Variants in ATRX observed in about 807,000 individuals in gnomAD.
ATRX encodes the protein chromatin remodeler ATRX.
Under a neutral mutation model 172.6 loss-of-function variants are expected in ATRX, and 12 were observed. That is an observed-to-expected ratio of 0.07 (90% confidence interval 0.04 to 0.11). ATRX has a LOEUF of 0.11. Among genes scored for constraint, ATRX ranks in the 10% least tolerant of loss-of-function variants. The probability of loss-of-function intolerance (pLI) is 1.00; values close to 1 mark genes in which losing one functional copy is unlikely to be tolerated. For missense variants in ATRX, 1,368 were observed against 1,767.4 expected, an observed-to-expected ratio of 0.77 and a Z score of 4.05; for synonymous variants, 674 against 594.7, an observed-to-expected ratio of 1.13 and a Z score of -1.94.
chrX:77,522,828 A>C (rs2063275307), intron 31 of ATRX, among the ~76,000 whole-genome samples: 1 of 112,018 alleles, frequency 8.9e-6, no homozygotes, highest in African/African-American at 3.2e-5. Flanking sequence ...AATGTCTAAT[A>C]ATGAAATATT....
chrX:77,612,899 A>G (rs782629172), intron 22 of ATRX, among the ~76,000 whole-genome samples: 1 of 111,999 alleles, frequency 8.9e-6, no homozygotes, highest in Non-Finnish European at 1.9e-5. Context: ...TTCAAGCTTC[A>G]TCTATGTGGT....
intron 12 of ATRX, among the ~76,000 whole-genome samples, chrX:77,658,912 A>G (rs2069702935): frequency 8.9e-6 from 1 of 112,332 alleles, no homozygotes; most frequent in Non-Finnish European, 1.9e-5. Context: ...GAATTGTTTC[A>G]AAATAATTTT....
At chrX:77,652,390 A>G in intron 14 of ATRX, 37 bp from the exon 15 acceptor site, 2 of 1,172,976 alleles carry the variant, frequency 1.7e-6, no homozygotes, top group South Asian at 1.8e-5. Context: ...AACAGTACAA[A>G]GTCATTTAAT....
chrX:77,631,155 C>T (rs5912660), intron 19 of ATRX, among the ~76,000 whole-genome samples: 3,760 of 103,871 alleles, frequency 0.036, 115 homozygotes, highest in African/African-American at 0.1. Flanking sequence ...GGTAGAGGAC[C>T]TCACCTTAAA....
At chrX:77,518,531 C>T (rs2063126266) in intron 34 of ATRX, among the ~76,000 whole-genome samples, 1 of 111,838 alleles carries the variant, frequency 8.9e-6, no homozygotes, top group African/African-American at 3.2e-5. Flanking sequence ...AAAAGATCTT[C>T]CATGTTCATG....
intron 22 of ATRX, among the ~76,000 whole-genome samples, chrX:77,601,699 C>T (rs2066682986): frequency 9.0e-6 from 1 of 111,463 alleles, no homozygotes; most frequent in Non-Finnish European, 1.9e-5. Context: ...TAAGCAATAA[C>T]ATATTTTCCT....
Position 77,684,269 on chromosome X carries a change from C to G in ATRX, c.987G>C (p.Lys329Asn), listed in dbSNP as rs2148633084. ...KTSSNCNGEE[K>N]KLDDSCSGSV... The stretch of plus-strand genomic sequence containing the variant: ...AGCCAGAACAGGAATCATCTAATTT[C>G]TTTTCTTCTCCATTACAATTTGAAC... The change falls in exon 9 of 35, where the codon AAG becomes AAC. Residue 329 changes from lysine to asparagine, a missense_variant. Lys to Asn is a moderately conservative substitution (Grantham distance 94, BLOSUM62 0). This residue lies in a region of ATRX where 843 missense variants were observed against 643.1 expected (regional missense o/e 1.31). Transcript: ENST00000373344. 8.3e-7 allele frequency: 1 copy of G among 1,209,184 alleles called. No homozygotes were observed. Among genetic ancestry groups the G allele is most frequent in the Non-Finnish European group, 1.1e-6 (1 of 893,268 alleles).
At position 77,739,727 on chromosome X, in the gene ATRX, A is replaced by G. The variant is rs782489896; in HGVS notation, c.21-22484T>C. ...AAATAAGCCCACAGACACCTATGAC[A>G]GTTTACGTGAGGTTATTTTTACTAA... On this transcript the variant is annotated intron_variant, in intron 1 of 34. Coordinates refer to ENST00000373344, the MANE Select transcript of ATRX (RefSeq NM_000489.6). Among the ~76,000 whole-genome samples, 62 of 110,370 alleles carry G rather than the reference A, an allele frequency of 5.6e-4. 1 individual carries two copies. The highest frequency in any genetic ancestry group is 1.3e-4 in the Non-Finnish European group (7 of 52,962).
rs1269461104 is a variant in ATRX, at chrX:77,681,713, G to C, written c.3543C>G (p.Val1181=). ...RTSSKKKAVI[V]KEKKRNSLRT... ...TTAGGGAGTTTCTCTTTTTCTCCTT[G>C]ACAATGACTGCCTTCTTTTTAGATG... The change falls in exon 9 of 35, where the codon GTC becomes GTG. Residue 1181 remains valine, a synonymous_variant. Transcript: ENST00000373344. 1 of 1,204,833 alleles carries C rather than the reference G, an allele frequency of 8.3e-7. No homozygotes were observed. Among genetic ancestry groups the C allele is most frequent in the African/African-American group, 1.8e-5 (1 of 56,668 alleles).
chrX:77,665,489 T>A (rs1273038975), intron 10 of ATRX, among the ~76,000 whole-genome samples: 8 of 111,679 alleles, frequency 7.2e-5, no homozygotes, highest in Non-Finnish European at 1.5e-4. Context: ...GTGCAGTTGC[T>A]TCACTCACAA....
Position 77,683,716 on chromosome X carries a change from C to G in ATRX, c.1540G>C (p.Asp514His), listed in dbSNP as rs2148620212. The G allele has an allele frequency of 8.3e-7, 1 of 1,211,356 alleles. No homozygotes were observed. The highest frequency in any genetic ancestry group is 2.3e-4 in the Middle Eastern group (1 of 4,356). Residue 514 changes from aspartate to histidine, a missense_variant, in exon 9 of 35, where the codon GAC becomes CAC. By Grantham distance (81) the Asp-to-His change is moderately conservative. This residue lies in a region of ATRX where 843 missense variants were observed against 643.1 expected (regional missense o/e 1.31). Transcript: ENST00000373344. ...YEPANTSEDLDMDIVSVPSSV... is the reference protein window; with the variant it reads ...YEPANTSEDLHMDIVSVPSSV... ...GAAGGAACAGACACAATATCCATGT[C>G]TAAATCTTCAGAAGTGTTGGCAGGT...
In ATRX at chrX:77,619,154, A is replaced by T. The variant is rs1211853046; in HGVS notation, c.5273-173T>A. Among the ~76,000 whole-genome samples the T allele has an allele frequency of 5.8e-4, 65 of 112,034 alleles. No homozygotes were observed. In the Admixed American group the frequency reaches 6.2e-3, roughly 11 times the overall value. ...GGTTATAAGTCTGATCTACAAGTGA[A>T]TTACCAAAACGAGAGAGAAAATTGA... On this transcript the variant is annotated intron_variant, in intron 20 of 34. Coordinates refer to ENST00000373344, the MANE Select transcript of ATRX (RefSeq NM_000489.6).
chrX:77,591,282 G>T (rs1174057665), intron 26 of ATRX, among the ~76,000 whole-genome samples: 1 of 111,631 alleles, frequency 9.0e-6, no homozygotes, highest in Non-Finnish European at 1.9e-5. Context: ...TAACCCACTG[G>T]ACAGAATTTA....
At chrX:77,697,710 A>G (rs2148682486) in intron 3 of ATRX, 75 bp from the exon 4 acceptor site, 1 of 910,131 alleles carries the variant, frequency 1.1e-6, no homozygotes, top group Non-Finnish European at 1.6e-6. Flanking sequence ...ATTTCCCTAT[A>G]GCAACTTCAA....
intron 1 of ATRX, among the ~76,000 whole-genome samples, chrX:77,722,201 A>C (rs2073806567): frequency 9.0e-6 from 1 of 111,589 alleles, no homozygotes; most frequent in African/African-American, 3.3e-5. Flanking sequence ...CTTAAACATA[A>C]GACCTAAAAC....
chrX:77,702,461 A>G (rs1255036722), intron 2 of ATRX, among the ~76,000 whole-genome samples: 8 of 111,516 alleles, frequency 7.2e-5, no homozygotes, highest in Admixed American at 5.7e-4. Context: ...AATAATAATA[A>G]TAAAAGAACT....
At chrX:77,707,406 G>T (rs994883237) in intron 2 of ATRX, among the ~76,000 whole-genome samples, 3 of 112,364 alleles carry the variant, frequency 2.7e-5, no homozygotes, top group Non-Finnish European at 5.6e-5. Flanking sequence ...AATATATAAA[G>T]AATTCTTACA....
At chrX:77,545,767 T>C (rs2064216274) in intron 30 of ATRX, among the ~76,000 whole-genome samples, 1 of 111,876 alleles carries the variant, frequency 8.9e-6, no homozygotes, top group South Asian at 3.8e-4. Flanking sequence ...CTAATGGACA[T>C]ACATTTCTCA....
At chrX:77,580,547 A>G (rs1462977567) in intron 27 of ATRX, among the ~76,000 whole-genome samples, 2 of 112,050 alleles carry the variant, frequency 1.8e-5, no homozygotes, top group Non-Finnish European at 3.8e-5. Flanking sequence ...TTCACCCTAG[A>G]ATTATATAAA....
Sources: gnomAD v4.1 joint callset for allele counts (sites outside exome capture counted in the v4.1 genomes callset) on GRCh38, gnomAD v4.1.1 for gene constraint, gnomAD v4.1.1 regional missense constraint, MANE v1.5 for transcripts, NCBI Gene and HGNC (gene_info 2026-07-23, HGNC 2026-07-21) for gene names.